The following CCDC66 variants were observed in gnomAD, a reference collection of about 807,000 sequenced individuals.
The protein encoded by CCDC66 is coiled-coil domain-containing protein 66.
Under a neutral mutation model 128.3 loss-of-function variants are expected in CCDC66, and 133 were observed. That is an observed-to-expected ratio of 1.04 (90% CI 0.90 to 1.20). The LOEUF is 1.20. Among genes scored for constraint, CCDC66 ranks in the 50% most tolerant of loss-of-function variants. CCDC66 has a pLI of 0.00. For missense variants in CCDC66, 1,126 were observed against 1,075.5 expected (o/e 1.05, Z -0.66); for synonymous variants, 387 against 357.0 (o/e 1.08, Z -0.95).
intron 4 of CCDC66, among the ~76,000 whole-genome samples, chr3:56,564,803 T>C (rs62255971): frequency 0.061 from 9,354 of 152,294 alleles, 335 homozygotes; most frequent in African/African-American, 0.096. Context: ...ACAGTTCACA[T>C]GGAGAGGCCC....
chr3:56,616,022 G>A lies in CCDC66; in HGVS notation c.1812G>A (p.Thr604=), dbSNP rs138052491. The stretch of plus-strand genomic sequence containing the variant: ...AAATGAATACATATATGAATTCTAC[G>A]ACTTCTAAGAAGGATACTGGTGTGC... The part of the protein sequence containing the change: ...SGKMNTYMNS[T]TSKKDTGVQT... Residue 604 remains threonine (T), a synonymous_variant, in exon 13 of 18, where the codon ACG becomes ACA. Coordinates refer to ENST00000394672, the MANE Select transcript of CCDC66 (RefSeq NM_001141947.3). The A allele has an allele frequency of 1.4e-4, 206 of 1,439,280 alleles. 1 individual carries two copies. The African/African-American group carries it at 3.2e-3, about 22-fold the overall frequency. 89.2% of individuals were successfully genotyped at this position (1,439,280 alleles called of 1,614,324 possible). A position where few individuals can be genotyped will look rare whatever the true frequency, so the allele number is the denominator to read the frequency against.
chr3:56,577,054 C>CT (rs1203715532), intron 7 of CCDC66, among the ~76,000 whole-genome samples: 1 of 151,848 alleles, frequency 6.6e-6, no homozygotes, highest in Non-Finnish European at 1.5e-5. Flanking sequence ...AAAAGTGTTC[C>CT]TATTTCTCCA....
chr3:56,611,435 C>T (rs2074793755), intron 10 of CCDC66, among the ~76,000 whole-genome samples: 1 of 149,524 alleles, frequency 6.7e-6, no homozygotes, highest in Non-Finnish European at 1.5e-5. Context: ...CCTCAAACGC[C>T]TGCAACATCC....
chr3:56,597,782 T>TTTTTTG (rs1553696407), intron 10 of CCDC66, among the ~76,000 whole-genome samples: 1 of 122,460 alleles, frequency 8.2e-6, no homozygotes, highest in Non-Finnish European at 1.8e-5. Context: ...TTGGGGTTTT[T>TTTTTTG]TTTTTTTTTT....
rs753315450 is a variant in CCDC66, at chr3:56,571,280, A to G, written c.914A>G (p.His305Arg). The G allele has an allele frequency of 1.9e-6, 3 of 1,542,078 alleles. No individual in the cohort carries two copies. The South Asian group carries it at 3.5e-5, about 18-fold the overall frequency. The change falls in exon 7 of 18, where the codon CAT becomes CGT. Residue 305 changes from histidine (H) to arginine (R), a missense_variant. Physicochemically the swap from His to Arg is conservative, Grantham distance 29 (BLOSUM62 0). Coordinates refer to ENST00000394672, the MANE Select transcript of CCDC66 (RefSeq NM_001141947.3). Reference protein sequence around the residue: ...SESDKIIWEKHQILDQSRETV... With the variant: ...SESDKIIWEKRQILDQSRETV... ...AGTGATAAAATAATATGGGAAAAAC[A>G]TCAAATTCTTGACCAATCTAGGGTA...
chr3:56,589,455 TATAAG>T (rs1577621290), intron 7 of CCDC66, among the ~76,000 whole-genome samples: 1 of 152,002 alleles, frequency 6.6e-6, no homozygotes, highest in Non-Finnish European at 1.5e-5. Context: ...CAACAGGAAA[TATAAG>T]AAAGAAAAAT....
At position 56,571,282 on chromosome 3, in the gene CCDC66, C is replaced by T; in HGVS notation, c.916C>T (p.Gln306Ter). 6.5e-7 allele frequency: 1 copy of T among 1,534,848 alleles called. No individual in the cohort carries two copies. Among genetic ancestry groups the T allele is most frequent in the Non-Finnish European group, 8.9e-7 (1 of 1,123,790 alleles). Residue 306 changes from glutamine to a stop codon, truncating the protein, a stop_gained, in exon 7 of 18, where the codon CAA becomes TAA. Coordinates refer to ENST00000394672, the MANE Select transcript of CCDC66 (RefSeq NM_001141947.3). LOFTEE classifies it high-confidence loss of function. The part of the protein sequence containing the change: ...ESDKIIWEKH[Q>*]ILDQSRETVL... ...TGATAAAATAATATGGGAAAAACAT[C>T]AAATTCTTGACCAATCTAGGGTAAG...
At chr3:56,557,977 CTT>C (rs2064575961) in intron 1 of CCDC66, 1 of 150,166 alleles carries the variant, frequency 6.7e-6, no homozygotes, top group African/African-American at 2.5e-5. Flanking sequence ...CATTGAAGCT[CTT>C]TTCTTTCTTG....
rs1463243969 is a variant in CCDC66 at position 56,557,188 on chromosome 3, A to C, written c.-55A>C. ...GTAGCGCTTGCTGAGCGGCGGCGGC[A>C]ACCGACGTACACAAGGGGCTTGAGC... On this transcript the variant is annotated 5_prime_UTR_variant, in exon 1 of 18. Coordinates refer to ENST00000394672, the MANE Select transcript of CCDC66 (RefSeq NM_001141947.3). The C allele has an allele frequency of 1.9e-6, 3 of 1,551,006 alleles. No individual in the cohort carries two copies. The highest frequency in any genetic ancestry group is 2.6e-6 in the Non-Finnish European group (3 of 1,146,924).
chr3:56,588,473 G>GT (rs1399920650), intron 7 of CCDC66, among the ~76,000 whole-genome samples: 1 of 152,076 alleles, frequency 6.6e-6, no homozygotes, highest in Non-Finnish European at 1.5e-5. Context: ...TTTTTAAAAA[G>GT]TAATTGCAGT....
At chr3:56,605,366 T>G (rs1475220389) in intron 10 of CCDC66, among the ~76,000 whole-genome samples, 1 of 152,112 alleles carries the variant, frequency 6.6e-6, no homozygotes, top group Non-Finnish European at 1.5e-5. Flanking sequence ...GTTTTTGGAA[T>G]TTTCAGTCTT....
At chr3:56,611,624 A>G (rs181138410) in intron 10 of CCDC66, among the ~76,000 whole-genome samples, 98 of 141,092 alleles carry the variant, frequency 6.9e-4, no homozygotes, top group African/African-American at 2.3e-3. Context: ...AGTTGTTACA[A>G]AGTTCATCTA....
chr3:56,566,187 C>T (rs780994509), intron 4 of CCDC66, among the ~76,000 whole-genome samples: 9 of 149,602 alleles, frequency 6.0e-5, no homozygotes, highest in Non-Finnish European at 1.2e-4. Flanking sequence ...TGCAGTGGCA[C>T]AATCTCAGCT....
Position 56,619,358 on chromosome 3 carries a change from T to G in CCDC66, c.2466T>G (p.Tyr822Ter). ...TLHLPLKNSS[Y>*]ERENLISGSN... ...ATTTACCACTAAAAAACAGTAGCTA[T>G]GAGAGAGAGAATTTGATCTCAGGAA... is the stretch of plus-strand genomic sequence containing the variant. Residue 822 changes from tyrosine (Y) to a stop codon, truncating the protein, a stop_gained, in exon 16 of 18, where the codon TAT becomes TAG. Coordinates refer to ENST00000394672, the MANE Select transcript of CCDC66 (RefSeq NM_001141947.3). LOFTEE classifies it high-confidence loss of function. 1.9e-6 allele frequency: 3 copies of G among 1,613,584 alleles called. No individual in the cohort carries two copies. Among genetic ancestry groups the G allele is most frequent in the Non-Finnish European group, 2.5e-6 (3 of 1,179,614 alleles).
intron 7 of CCDC66, among the ~76,000 whole-genome samples, chr3:56,582,853 TTATTATTATTA>T (rs1559663089): frequency 1.0e-5 from 1 of 99,912 alleles, no homozygotes; most frequent in East Asian, 2.5e-4. Context: ...ACTTTCTTTA[TTATTATTATTA>T]TTATTATTAT....
chr3:56,594,917 A>G (rs2071596396), intron 10 of CCDC66, among the ~76,000 whole-genome samples: 2 of 152,268 alleles, frequency 1.3e-5, no homozygotes, highest in South Asian at 2.1e-4. Flanking sequence ...TTATTTCTTC[A>G]GTTTTTTTTA....
rs1559579948 is a variant in CCDC66 at position 56,557,268 on chromosome 3, G to A, written c.11+15G>A. 1 of 1,548,540 alleles carries A rather than the reference G, an allele frequency of 6.5e-7. No individual in the cohort carries two copies. Among genetic ancestry groups the A allele is most frequent in the Admixed American group, 2.0e-5 (1 of 50,902 alleles). The stretch of plus-strand genomic sequence containing the variant: ...ATGAACTTGGGGTAAGCAGGGGTAA[G>A]CTGGGGTAAGCTGGGGTAAGCAAGG... On this transcript the variant is annotated intron_variant, in intron 1 of 17. Coordinates refer to ENST00000394672, the MANE Select transcript of CCDC66 (RefSeq NM_001141947.3).
chr3:56,590,787 C>G (rs1213655724), intron 7 of CCDC66, among the ~76,000 whole-genome samples: 1 of 151,862 alleles, frequency 6.6e-6, no homozygotes. Flanking sequence ...GAATAGGCTC[C>G]AAACACGTTT....
rs761045815 is a variant in CCDC66, at chr3:56,571,200, G to A, written c.834G>A (p.Lys278=). ...RKELDEQVAL[K]KKEKEVSEKW... ...TTACAGATGAACAGGTTGCTTTAAAGAAGAAAGAAAAAGAAGTTTCTGAAA... is the reference window on the plus strand; with the variant it reads ...TTACAGATGAACAGGTTGCTTTAAAAAAGAAAGAAAAAGAAGTTTCTGAAA... Residue 278 remains lysine, a synonymous_variant, in exon 7 of 18, where the codon AAG becomes AAA. Coordinates refer to ENST00000394672, the MANE Select transcript of CCDC66 (RefSeq NM_001141947.3). 6.6e-7 allele frequency: 1 copy of A among 1,525,588 alleles called. No homozygotes were observed. The highest frequency in any genetic ancestry group is 2.0e-5 in the Admixed American group (1 of 49,294). 94.5% of individuals were successfully genotyped at this position (1,525,588 alleles called of 1,614,324 possible). A position where few individuals can be genotyped will look rare whatever the true frequency, so the allele number is the denominator to read the frequency against.
Sources: allele counts gnomAD v4.1 joint callset (sites outside exome capture counted in the v4.1 genomes callset), GRCh38; gene constraint gnomAD v4.1.1; transcripts MANE v1.5; gene names NCBI Gene and HGNC (gene_info 2026-07-23, HGNC 2026-07-21).